The following MCC variants were observed in gnomAD, a reference collection of about 807,000 sequenced individuals.
MCC encodes MCC regulator of Wnt signaling pathway.
Under a neutral mutation model 116.2 loss-of-function variants are expected in MCC, and 90 were observed. The ratio of observed to expected loss-of-function variants is 0.77; its 90% CI spans 0.65 to 0.92. The LOEUF (loss-of-function observed/expected upper bound fraction) is 0.92. Among genes scored for constraint, MCC ranks in the 40% least tolerant of loss-of-function variants. The pLI, the probability that MCC is intolerant of heterozygous loss-of-function variation, is 0.00. For missense variants in MCC, 1,516 were observed against 1,312.2 expected (o/e 1.16, Z -2.40); for synonymous variants, 578 against 510.5 (o/e 1.13, Z -1.78).
intron 2 of MCC, among the ~76,000 whole-genome samples, chr5:113,348,295 G>A (rs35451724): frequency 0.093 from 14,138 of 151,970 alleles, 927 homozygotes; most frequent in Non-Finnish European, 0.12. Context: ...CATTCTCAAG[G>A]ATAGAATATA....
At chr5:113,444,348 C>G (rs1052822060) in intron 1 of MCC, among the ~76,000 whole-genome samples, 2 of 152,050 alleles carry the variant, frequency 1.3e-5, no homozygotes, top group Non-Finnish European at 2.9e-5. Context: ...ACTGTAGTAT[C>G]TATAGGGTGA....
At chr5:113,460,733 A>G (rs1172202220) in intron 1 of MCC, among the ~76,000 whole-genome samples, 1 of 152,198 alleles carries the variant, frequency 6.6e-6, no homozygotes, top group African/African-American at 2.4e-5. Context: ...AGATTCTGAG[A>G]CAGTTGTAGC....
At chr5:113,091,917 A>G (rs1293839435) in intron 8 of MCC, among the ~76,000 whole-genome samples, 2 of 151,912 alleles carry the variant, frequency 1.3e-5, no homozygotes, top group Non-Finnish European at 2.9e-5. Flanking sequence ...ACAAACACAC[A>G]CACACACACT....
chr5:113,121,810 G>T (rs1299721731), intron 6 of MCC, among the ~76,000 whole-genome samples: 3 of 151,376 alleles, frequency 2.0e-5, no homozygotes, highest in African/African-American at 7.4e-5. Context: ...ATGTAAACAT[G>T]TCTGTCCTAA....
chr5:113,034,029 G>C (rs976951802), intron 17 of MCC, among the ~76,000 whole-genome samples: 12 of 151,928 alleles, frequency 7.9e-5, no homozygotes, highest in Admixed American at 6.6e-4. Context: ...TGGGACTACA[G>C]GTGTGTGCCA....
At chr5:113,244,343 T>C (rs1470024425) in intron 3 of MCC, among the ~76,000 whole-genome samples, 2 of 152,210 alleles carry the variant, frequency 1.3e-5, no homozygotes, top group East Asian at 1.9e-4. Context: ...ACTTAAAGCC[T>C]ACAGGGACAA....
At chr5:113,188,638 C>T (rs1762014119) in intron 3 of MCC, among the ~76,000 whole-genome samples, 1 of 152,212 alleles carries the variant, frequency 6.6e-6, no homozygotes, top group Non-Finnish European at 1.5e-5. Context: ...GACCAGCCCA[C>T]ATCTAACCTG....
At chr5:113,144,418 T>G (rs1013577837) in intron 4 of MCC, among the ~76,000 whole-genome samples, 1 of 152,178 alleles carries the variant, frequency 6.6e-6, no homozygotes, top group Non-Finnish European at 1.5e-5. Context: ...GAACTTTAAT[T>G]TCATCTTCAA....
At chr5:113,354,802 A>ATTATTATTATTG (rs59377042) in intron 2 of MCC, among the ~76,000 whole-genome samples, 8,412 of 148,426 alleles carry the variant, frequency 0.057, 453 homozygotes, top group African/African-American at 0.14. Flanking sequence ...TATTATTATT[A>ATTATTATTATTG]TTATTCAACA....
chr5:113,142,284 G>A (rs1759224487), intron 5 of MCC, among the ~76,000 whole-genome samples: 2 of 151,864 alleles, frequency 1.3e-5, no homozygotes, highest in Non-Finnish European at 2.9e-5. Context: ...AGCATTTGGT[G>A]AACAAAGCGC....
At chr5:113,364,555 C>T (rs1370113664) in intron 2 of MCC, among the ~76,000 whole-genome samples, 1 of 152,210 alleles carries the variant, frequency 6.6e-6, no homozygotes, top group Non-Finnish European at 1.5e-5. Context: ...GGATGATGGC[C>T]CTCTTCTCCC....
intron 3 of MCC, among the ~76,000 whole-genome samples, chr5:113,284,882 T>C (rs570939747): frequency 6.6e-6 from 1 of 152,346 alleles, no homozygotes; most frequent in African/African-American, 2.4e-5. Context: ...TGATTCTAAA[T>C]AGTTGAAGGA....
intron 4 of MCC, among the ~76,000 whole-genome samples, chr5:113,150,631 G>A (rs1172839018): frequency 2.7e-5 from 4 of 150,706 alleles, no homozygotes; most frequent in African/African-American, 7.3e-5. Context: ...CAAGAGAAAA[G>A]GAAAAGAAAA....
chr5:113,486,323 C>G (rs927788833), intron 1 of MCC, among the ~76,000 whole-genome samples: 1 of 152,198 alleles, frequency 6.6e-6, no homozygotes, highest in Non-Finnish European at 1.5e-5. Flanking sequence ...CACTTTTGCC[C>G]CAGCCAGTTT....
chr5:113,093,029 C>T (rs1755753617), intron 8 of MCC, among the ~76,000 whole-genome samples: 1 of 152,162 alleles, frequency 6.6e-6, no homozygotes, highest in Non-Finnish European at 1.5e-5. Flanking sequence ...ACCAGATGTA[C>T]ACACAGCCAT....
chr5:113,267,045 T>G (rs995242891), intron 3 of MCC, among the ~76,000 whole-genome samples: 1 of 152,218 alleles, frequency 6.6e-6, no homozygotes, highest in Non-Finnish European at 1.5e-5. Context: ...GGCCAACAGT[T>G]GGCTAATTAT....
intron 3 of MCC, among the ~76,000 whole-genome samples, chr5:113,270,333 C>A (rs932810973): frequency 6.6e-6 from 1 of 152,022 alleles, no homozygotes; most frequent in Non-Finnish European, 1.5e-5. Flanking sequence ...AAGCGTGCAA[C>A]AGAATGTGGG....
chr5:113,401,891 C>G (rs1450025816), intron 1 of MCC, among the ~76,000 whole-genome samples: 1 of 151,530 alleles, frequency 6.6e-6, no homozygotes, highest in Non-Finnish European at 1.5e-5. Flanking sequence ...CCTCTGTCAC[C>G]CAGGTTGGAA....
intron 11 of MCC, among the ~76,000 whole-genome samples, chr5:113,075,580 C>G (rs1754386444): frequency 1.3e-5 from 2 of 152,192 alleles, no homozygotes; most frequent in South Asian, 4.1e-4. Context: ...GTGTCTAGCT[C>G]AAGGTTTGTA....
Sources: gnomAD v4.1 joint callset for allele counts (sites outside exome capture counted in the v4.1 genomes callset) on GRCh38, gnomAD v4.1.1 for gene constraint, MANE v1.5 for transcripts, NCBI Gene and HGNC (gene_info 2026-07-23, HGNC 2026-07-21) for gene names.